PLG: variants seen among roughly 807,000 people sequenced by gnomAD.
PLG encodes the protein plasmin.
PLG carries 41 observed loss-of-function variants against 104.4 expected under a neutral mutation model. That is an observed-to-expected ratio of 0.39 (90% CI 0.31 to 0.51). The LOEUF is 0.51. Among genes scored for constraint, PLG ranks in the 20% least tolerant of loss-of-function variants. The pLI is 0.76. For missense variants in PLG, 891 were observed against 1,003.6 expected, an observed-to-expected ratio of 0.89 and a Z score of 1.52; for synonymous variants, 337 against 357.1, an observed-to-expected ratio of 0.94 and a Z score of 0.63.
intron 4 of PLG, chr6:160,711,869 T>A: frequency 7.3e-7 from 1 of 1,378,212 alleles, no homozygotes; most frequent in Non-Finnish European, 9.4e-7. Flanking sequence ...AAAATGAAAA[T>A]GAAGATACGT....
Position 160,738,504 on chromosome 6 carries a change from T to C in PLG, c.1803-34T>C. 1 of 1,310,996 alleles carries C rather than the reference T, an allele frequency of 7.6e-7. No individual in the cohort carries two copies. The highest frequency in any genetic ancestry group is 1.1e-6 in the Non-Finnish European group (1 of 902,976). The allele number at this position is 1,310,996 out of a possible 1,614,324, so 81.2% of individuals were successfully genotyped here. Reference sequence around the variant, plus strand: ...ACAATGGAGCAGAACAAAGTATCAATTTAACTAAAATTTGAACTAAATCCT... The same window carrying C: ...ACAATGGAGCAGAACAAAGTATCAACTTAACTAAAATTTGAACTAAATCCT... On this transcript the variant is annotated intron_variant, in intron 14 of 18. Coordinates refer to ENST00000308192, the MANE Select transcript of PLG (RefSeq NM_000301.5). The surrounding 1 kb of genome is among the most constrained non-coding windows in gnomAD (Gnocchi z 6.8).
chr6:160,713,316 G>A lies in PLG; in HGVS notation c.547+191G>A, dbSNP rs537112318. The A allele has an allele frequency of 3.8e-5, 22 of 576,680 alleles. 2 individuals carry two copies. In the South Asian group the frequency reaches 4.1e-4, roughly 11 times the overall value. The allele number at this position is 576,680 out of a possible 1,614,324, so 35.7% of individuals were successfully genotyped here. On this transcript the variant is annotated intron_variant, in intron 5 of 18. Transcript: ENST00000308192. ...ACAGAGTTTTGCTCTCGTTGCCCAG[G>A]CTAGAGTGCAACCGTGCAATCTCGG...
chr6:160,710,487 G>A (rs970724840), intron 3 of PLG, among the ~76,000 whole-genome samples: 2 of 151,870 alleles, frequency 1.3e-5, no homozygotes, highest in Non-Finnish European at 2.9e-5. Flanking sequence ...AGGGCCCGTT[G>A]TCTAACTGGT....
At position 160,734,191 on chromosome 6, in the gene PLG, C is replaced by T; in HGVS notation, c.1681+103C>T. The T allele has an allele frequency of 5.8e-6, 4 of 687,560 alleles. No homozygotes were observed. Among genetic ancestry groups the T allele is most frequent in the Non-Finnish European group, 8.1e-6 (3 of 369,498 alleles). 42.6% of individuals were successfully genotyped at this position (687,560 alleles called of 1,614,324 possible). On this transcript the variant is annotated intron_variant, in intron 13 of 18. Transcript: ENST00000308192. The surrounding 1 kb of genome is among the most constrained non-coding windows in gnomAD (Gnocchi z 4.4). Reference sequence around the variant, plus strand: ...CAGACTGCTTCTGGGGAGGAGATAGCTGCCCTCTCCATCAGACCCCACTCT... The same window carrying T: ...CAGACTGCTTCTGGGGAGGAGATAGTTGCCCTCTCCATCAGACCCCACTCT...
chr6:160,738,955 T>A lies in PLG; in HGVS notation c.1878-113T>A, dbSNP rs1778137272. Reference sequence around the variant, plus strand: ...AATTTTGCTTCTTGCCACTCAGAAGTCACTAATTCTGAGTGGCCAAGGGTG... The same window carrying A: ...AATTTTGCTTCTTGCCACTCAGAAGACACTAATTCTGAGTGGCCAAGGGTG... On this transcript the variant is annotated intron_variant, in intron 15 of 18. Coordinates refer to ENST00000308192, the MANE Select transcript of PLG (RefSeq NM_000301.5). This position sits in a 1 kb window ranked among gnomAD's most constrained non-coding sequence, Gnocchi z 6.8. 1 of 1,245,796 alleles carries A rather than the reference T, an allele frequency of 8.0e-7. No individual in the cohort carries two copies. The allele number at this position is 1,245,796 out of a possible 1,614,324, so 77.2% of individuals were successfully genotyped here.
intron 6 of PLG, among the ~76,000 whole-genome samples, chr6:160,716,118 G>A (rs914916375): frequency 2.0e-5 from 3 of 152,244 alleles, no homozygotes; most frequent in Admixed American, 6.5e-5. Context: ...CTATGAAGAT[G>A]CACATTTCTT....
chr6:160,736,819 G>A lies in PLG; in HGVS notation c.1682-68G>A. The A allele has an allele frequency of 6.2e-7, 1 of 1,601,458 alleles. No homozygotes were observed. Among genetic ancestry groups the A allele is most frequent in the South Asian group, 1.1e-5 (1 of 90,574 alleles). ...GTCAAAAACTCAGTGCTTGGAATTTGTCTCGAATTACACCACAAAATTGCT... is the reference window on the plus strand; with the variant it reads ...GTCAAAAACTCAGTGCTTGGAATTTATCTCGAATTACACCACAAAATTGCT... On this transcript the variant is annotated intron_variant, in intron 13 of 18. Coordinates refer to ENST00000308192, the MANE Select transcript of PLG (RefSeq NM_000301.5). This position sits in a 1 kb window ranked among gnomAD's most constrained non-coding sequence, Gnocchi z 5.2.
chr6:160,720,916 T>C (rs1025973817), intron 9 of PLG, among the ~76,000 whole-genome samples: 1 of 152,180 alleles, frequency 6.6e-6, no homozygotes, highest in Non-Finnish European at 1.5e-5. Context: ...TAACTCTTTT[T>C]CATTCTTTGT....
chr6:160,748,295 A>T lies in PLG; in HGVS notation c.2126-3820A>T, dbSNP rs185108640. 4.0e-3 allele frequency among the ~76,000 whole-genome samples: 600 copies of T among 149,474 alleles called. 3 individuals are homozygous for T. The highest frequency in any genetic ancestry group is 0.014 in the African/African-American group (569 of 40,222). On this transcript the variant is annotated intron_variant, in intron 17 of 18. Coordinates refer to ENST00000308192, the MANE Select transcript of PLG (RefSeq NM_000301.5). The stretch of plus-strand genomic sequence containing the variant: ...ACTCCAGCCTGGGTGACAGAGTGAG[A>T]CTCTATGTGAGAAAGAAAGAAAGAA...
Position 160,738,699 on chromosome 6 carries a change from C to A in PLG, c.1877+87C>A. ...CCTCCTTTCCTCCTTTCCTTTCTCA[C>A]TCTTCCTCCCTTCCTTCTCTGGCTG... On this transcript the variant is annotated intron_variant, in intron 15 of 18. Coordinates refer to ENST00000308192, the MANE Select transcript of PLG (RefSeq NM_000301.5). The surrounding 1 kb of genome is among the most constrained non-coding windows in gnomAD (Gnocchi z 6.8). The A allele has an allele frequency of 2.2e-6, 2 of 921,160 alleles. No individual in the cohort carries two copies. Among genetic ancestry groups the A allele is most frequent in the Non-Finnish European group, 3.6e-6 (2 of 551,984 alleles). The allele number at this position is 921,160 out of a possible 1,614,324, so 57.1% of individuals were successfully genotyped here.
At chr6:160,708,830 T>C (rs1777581245) in intron 3 of PLG, among the ~76,000 whole-genome samples, 1 of 152,210 alleles carries the variant, frequency 6.6e-6, no homozygotes, top group Non-Finnish European at 1.5e-5. Context: ...GCATTGTACT[T>C]CCTTCCTTAC....
chr6:160,710,569 C>T (rs1777622320), intron 3 of PLG, among the ~76,000 whole-genome samples: 1 of 151,966 alleles, frequency 6.6e-6, no homozygotes, highest in African/African-American at 2.4e-5. Flanking sequence ...ATTTTATAGC[C>T]CTGTTTGGCA....
At chr6:160,742,979 G>A (rs192236176) in intron 17 of PLG, among the ~76,000 whole-genome samples, 162 of 148,320 alleles carry the variant, frequency 1.1e-3, no homozygotes, top group African/African-American at 3.7e-3. Context: ...CTTATTTCTG[G>A]GCTCTCTATT....
At chr6:160,708,290 G>A (rs1453379944) in intron 3 of PLG, 1 of 154,438 alleles carries the variant, frequency 6.5e-6, no homozygotes, top group Admixed American at 6.4e-5. Context: ...TTCACATTTT[G>A]GGGGACATGG....
At position 160,707,753 on chromosome 6, in the gene PLG, G is replaced by T. The variant is rs774881372; in HGVS notation, c.239G>T (p.Arg80Met). 1.2e-6 allele frequency: 2 copies of T among 1,611,592 alleles called. No individual in the cohort carries two copies. The highest frequency in any genetic ancestry group is 1.7e-5 in the Admixed American group (1 of 60,016). ...EQQCVIMAEN[R>M]KSSIIIRMRD... The stretch of plus-strand genomic sequence containing the variant: ...CAATGTGTGATAATGGCTGAAAACA[G>T]GAAGTCCTCCATAATCATTAGGATG... The change falls in exon 3 of 19, where the codon AGG becomes ATG. Residue 80 changes from arginine to methionine, a missense_variant. By Grantham distance (91) the Arg-to-Met change is moderately conservative. This residue lies in a region of PLG where 854 missense variants were observed against 932.1 expected (regional missense o/e 0.92). Transcript: ENST00000308192.
At position 160,738,366 on chromosome 6, in the gene PLG, C is replaced by T. The variant is rs571481834; in HGVS notation, c.1803-172C>T. 2.7e-5 allele frequency: 17 copies of T among 638,698 alleles called. No homozygotes were observed. The African/African-American group carries it at 3.0e-4, about 11-fold the overall frequency. 39.6% of individuals were successfully genotyped at this position (638,698 alleles called of 1,614,324 possible). On this transcript the variant is annotated intron_variant, in intron 14 of 18. Coordinates refer to ENST00000308192, the MANE Select transcript of PLG (RefSeq NM_000301.5). The surrounding 1 kb of genome is among the most constrained non-coding windows in gnomAD (Gnocchi z 6.8). ...AGATGGGCCCTTCTCAAAAATCCCA[C>T]TCCTGGAGCACTGGCCAAAATTACT...
chr6:160,748,584 A>G (rs1464158471), intron 17 of PLG, among the ~76,000 whole-genome samples: 1 of 152,096 alleles, frequency 6.6e-6, no homozygotes, highest in African/African-American at 2.4e-5. Context: ...CACCAAGCAC[A>G]TGCTAAGAAG....
At chr6:160,715,075 G>C (rs1777707888) in intron 6 of PLG, among the ~76,000 whole-genome samples, 161 bp downstream of exon 6, 1 of 152,108 alleles carries the variant, frequency 6.6e-6, no homozygotes, top group Admixed American at 6.5e-5. Flanking sequence ...AGTGAAATAC[G>C]CATTCTTGCT....
chr6:160,744,055 G>A lies in PLG; in HGVS notation c.2125+2638G>A, dbSNP rs1177778036. Among the ~76,000 whole-genome samples, 3 of 152,174 alleles carry A rather than the reference G, an allele frequency of 2.0e-5. No individual in the cohort carries two copies. Among genetic ancestry groups the A allele is most frequent in the Non-Finnish European group, 4.4e-5 (3 of 68,030 alleles). On this transcript the variant is annotated intron_variant, in intron 17 of 18. Coordinates refer to ENST00000308192, the MANE Select transcript of PLG (RefSeq NM_000301.5). The surrounding 1 kb of genome is among the most constrained non-coding windows in gnomAD (Gnocchi z 4.5). ...GCTTTTTTATGTGCTGCTGGATTTG[G>A]TTTGCAAGTATTTTGTAAAGGATTT... is the stretch of plus-strand genomic sequence containing the variant.
Sources: gnomAD v4.1 joint callset for allele counts (sites outside exome capture counted in the v4.1 genomes callset) on GRCh38, gnomAD v4.1.1 for gene constraint, gnomAD v4.1.1 regional missense constraint, Gnocchi (gnomAD v3.1) non-coding constraint, MANE v1.5 for transcripts, NCBI Gene and HGNC (gene_info 2026-07-23, HGNC 2026-07-21) for gene names.